The following TNFRSF6B variants were observed in gnomAD, a reference collection of about 807,000 sequenced individuals.
TNFRSF6B encodes the protein TNF receptor superfamily member 6b, also known as tumor necrosis factor receptor superfamily member 6B.
TNFRSF6B carries 23 observed loss-of-function variants against 17.9 expected under a neutral mutation model. That is an observed-to-expected ratio of 1.28 (90% CI 0.92 to 1.82). TNFRSF6B has a LOEUF of 1.82. Among genes scored for constraint, TNFRSF6B ranks in the 40% most tolerant of loss-of-function variants. The pLI is 0.00. For missense variants in TNFRSF6B, 555 were observed against 437.2 expected (o/e 1.27, Z -2.40); for synonymous variants, 291 against 195.8 (o/e 1.49, Z -4.06).
In TNFRSF6B at chr20:63,698,640, A is replaced by G. The variant is rs1168142923; in HGVS notation, c.*77A>G. The G allele has an allele frequency of 7.3e-7, 1 of 1,368,890 alleles. No individual in the cohort carries two copies. Among genetic ancestry groups the G allele is most frequent in the Admixed American group, 3.3e-5 (1 of 30,136 alleles). 84.8% of individuals were successfully genotyped at this position (1,368,890 alleles called of 1,614,324 possible). ...AAGAGGCTTTTTTTTAAATAGAAGA[A>G]ATGAGGTTTCTTAAAGCTTATTTTT... On this transcript the variant is annotated 3_prime_UTR_variant, in exon 3 of 3. Coordinates refer to ENST00000369996, the MANE Select transcript of TNFRSF6B (RefSeq NM_003823.4).
Position 63,696,849 on chromosome 20 carries a change from C to A in TNFRSF6B, c.82C>A (p.Arg28Ser), listed in dbSNP as rs571944193. 1 of 1,611,418 alleles carries A rather than the reference C, an allele frequency of 6.2e-7. No homozygotes were observed. The highest frequency in any genetic ancestry group is 1.3e-5 in the African/African-American group (1 of 75,034). ...LPALLPVPAV[R>S]GVAETPTYPW... is the part of the protein sequence containing the mutation. ...TGCCCTGCTGCCGGTGCCGGCTGTACGCGGAGTGGCAGAAACACCCACCTA... is the reference window on the plus strand; with the variant it reads ...TGCCCTGCTGCCGGTGCCGGCTGTAAGCGGAGTGGCAGAAACACCCACCTA... The change falls in exon 1 of 3, where the codon CGC becomes AGC. Residue 28 changes from arginine (R) to serine (S), a missense_variant. Transcript: ENST00000369996.
chr20:63,697,763 G>A (rs1259610581), intron 2 of TNFRSF6B, among the ~76,000 whole-genome samples: 13 of 152,130 alleles, frequency 8.5e-5, no homozygotes, highest in Admixed American at 7.9e-4. Context: ...TGGGAAAGTG[G>A]GCAGCAATCT....
Position 63,696,833 on chromosome 20 carries a change from G to A in TNFRSF6B, c.66G>A (p.Leu22=), listed in dbSNP as rs756482797. The change falls in exon 1 of 3, where the codon CTG becomes CTA. Residue 22 remains leucine, a synonymous_variant. Transcript: ENST00000369996. ...LCLVLALPAL[L]PVPAVRGVAE... ...TGGTGTTGGCGCTGCCTGCCCTGCTGCCGGTGCCGGCTGTACGCGGAGTGG... is the reference window on the plus strand; with the variant it reads ...TGGTGTTGGCGCTGCCTGCCCTGCTACCGGTGCCGGCTGTACGCGGAGTGG... The A allele has an allele frequency of 1.2e-6, 2 of 1,610,744 alleles. No individual in the cohort carries two copies. The highest frequency in any genetic ancestry group is 1.1e-5 in the South Asian group (1 of 90,726).
At position 63,697,422 on chromosome 20, in the gene TNFRSF6B, C is replaced by A. The variant is rs1298988086; in HGVS notation, c.519C>A (p.Asn173Lys). Reference protein sequence around the residue: ...SSSEQCQPHRNCTALGLALNV... With the variant: ...SSSEQCQPHRKCTALGLALNV... ...CAGAGCAGTGCCAGCCCCACCGCAA[C>A]TGCACGGCCCTGGGCCTGGCCCTCA... The change falls in exon 2 of 3, where the codon AAC (asparagine) becomes AAA (lysine). Residue 173 changes from asparagine (N) to lysine (K), a missense_variant. Coordinates refer to ENST00000369996, the MANE Select transcript of TNFRSF6B (RefSeq NM_003823.4). The A allele has an allele frequency of 3.7e-6, 6 of 1,608,698 alleles. No homozygotes were observed. In the African/African-American group the frequency reaches 8.0e-5, roughly 21 times the overall value.
chr20:63,696,805 G>T lies in TNFRSF6B; in HGVS notation c.38G>T (p.Cys13Phe). The change falls in exon 1 of 3, where the codon TGC (cysteine) becomes TTC (phenylalanine). Residue 13 changes from cysteine to phenylalanine, a missense_variant. Cys to Phe is a radical substitution (Grantham distance 205). Coordinates refer to ENST00000369996, the MANE Select transcript of TNFRSF6B (RefSeq NM_003823.4). ...ALEGPGLSLL[C>F]LVLALPALLP... ...GAGGGGCCAGGCCTGTCGCTGCTGTGCCTGGTGTTGGCGCTGCCTGCCCTG... is the reference window on the plus strand; with the variant it reads ...GAGGGGCCAGGCCTGTCGCTGCTGTTCCTGGTGTTGGCGCTGCCTGCCCTG... The T allele has an allele frequency of 6.2e-7, 1 of 1,607,794 alleles. No homozygotes were observed. Among genetic ancestry groups the T allele is most frequent in the South Asian group, 1.1e-5 (1 of 90,306 alleles).
chr20:63,696,805 G>A lies in TNFRSF6B; in HGVS notation c.38G>A (p.Cys13Tyr). Residue 13 changes from cysteine to tyrosine, a missense_variant, in exon 1 of 3, where the codon TGC (cysteine) becomes TAC (tyrosine). By Grantham distance (194) the Cys-to-Tyr change is radical. Coordinates refer to ENST00000369996, the MANE Select transcript of TNFRSF6B (RefSeq NM_003823.4). ...GAGGGGCCAGGCCTGTCGCTGCTGTGCCTGGTGTTGGCGCTGCCTGCCCTG... is the reference window on the plus strand; with the variant it reads ...GAGGGGCCAGGCCTGTCGCTGCTGTACCTGGTGTTGGCGCTGCCTGCCCTG... ...ALEGPGLSLL[C>Y]LVLALPALLP... 6.2e-7 allele frequency: 1 copy of A among 1,607,794 alleles called. No individual in the cohort carries two copies. Among genetic ancestry groups the A allele is most frequent in the Non-Finnish European group, 8.5e-7 (1 of 1,177,588 alleles).
chr20:63,696,721 G>T lies in TNFRSF6B; in HGVS notation c.-47G>T. 1 of 1,488,476 alleles carries T rather than the reference G, an allele frequency of 6.7e-7. No homozygotes were observed. The highest frequency in any genetic ancestry group is 8.9e-7 in the Non-Finnish European group (1 of 1,119,188). 92.2% of individuals were successfully genotyped at this position (1,488,476 alleles called of 1,614,324 possible). On this transcript the variant is annotated 5_prime_UTR_variant, in exon 1 of 3. Transcript: ENST00000369996. The stretch of plus-strand genomic sequence containing the variant: ...TGGCATGTCGGTCAGGCACAGCAGG[G>T]TCCTGTGTCCGCGCTGAGCCGCGCT...
Position 63,698,652 on chromosome 20 carries a change from T to C in TNFRSF6B, c.*89T>C. 7.5e-7 allele frequency: 1 copy of C among 1,330,928 alleles called. No homozygotes were observed. 82.4% of individuals were successfully genotyped at this position (1,330,928 alleles called of 1,614,324 possible). ...TTTAAATAGAAGAAATGAGGTTTCT[T>C]AAAGCTTATTTTTATAAAGCTTTTT... On this transcript the variant is annotated 3_prime_UTR_variant, in exon 3 of 3. Transcript: ENST00000369996.
rs755869527 is a variant in TNFRSF6B at position 63,698,402 on chromosome 20, G to A, written c.742G>A (p.Ala248Thr). The change falls in exon 3 of 3, where the codon GCG becomes ACG. Residue 248 changes from alanine to threonine, a missense_variant. Ala to Thr is a moderately conservative substitution (Grantham distance 58). Coordinates refer to ENST00000369996, the MANE Select transcript of TNFRSF6B (RefSeq NM_003823.4). The part of the protein sequence containing the change: ...APEGWGPTPR[A>T]GRAALQLKLR... The stretch of plus-strand genomic sequence containing the variant: ...GGAGGGCTGGGGTCCGACACCAAGG[G>A]CGGGCCGCGCGGCCTTGCAGCTGAA... 1.3e-6 allele frequency: 2 copies of A among 1,597,724 alleles called. No individual in the cohort carries two copies. The highest frequency in any genetic ancestry group is 2.2e-5 in the South Asian group (2 of 89,898).
chr20:63,697,034 C>G lies in TNFRSF6B; in HGVS notation c.267C>G (p.Arg89=), dbSNP rs757105777. The change falls in exon 1 of 3, where the codon CGC becomes CGG. Residue 89 remains arginine (R), a synonymous_variant. Coordinates refer to ENST00000369996, the MANE Select transcript of TNFRSF6B (RefSeq NM_003823.4). The stretch of plus-strand genomic sequence containing the variant: ...TCTGGAACTACCTAGAGCGCTGCCG[C>G]TACTGCAACGTCCTCTGCGGGGAGC... ...TQFWNYLERC[R]YCNVLCGERE... 1.9e-6 allele frequency: 3 copies of G among 1,607,614 alleles called. No homozygotes were observed. Among genetic ancestry groups the G allele is most frequent in the Admixed American group, 1.7e-5 (1 of 59,962 alleles).
Position 63,696,956 on chromosome 20 carries a change from C to T in TNFRSF6B, c.189C>T (p.Arg63=), listed in dbSNP as rs2145487016. The part of the protein sequence containing the change: ...PPGTFVQRPC[R]RDSPTTCGPC... ...GCACCTTTGTGCAGCGGCCGTGCCG[C>T]CGAGACAGCCCCACGACGTGTGGCC... is the stretch of plus-strand genomic sequence containing the variant. The change falls in exon 1 of 3, where the codon CGC becomes CGT. Residue 63 remains arginine (R), a synonymous_variant. Transcript: ENST00000369996. The T allele has an allele frequency of 1.2e-6, 2 of 1,609,704 alleles. No individual in the cohort carries two copies. The highest frequency in any genetic ancestry group is 3.3e-5 in the Admixed American group (2 of 59,898).
intron 2 of TNFRSF6B, 91 bp downstream of exon 2, chr20:63,697,613 A>AT: frequency 2.2e-6 from 3 of 1,350,144 alleles, no homozygotes; most frequent in Non-Finnish European, 2.9e-6. Context: ...AGCCTGAGGC[A>AT]TGCCAGCTGG....
rs763704806 is a variant in TNFRSF6B at position 63,697,124 on chromosome 20, C to T, written c.357C>T (p.Phe119=). Residue 119 remains phenylalanine (F), a synonymous_variant, in exon 1 of 3, where the codon TTC becomes TTT. Transcript: ENST00000369996. ...GTGCCTGCCGCTGCCGCACCGGCTTCTTCGCGCACGCTGGTTTCTGCTTGG... is the reference window on the plus strand; with the variant it reads ...GTGCCTGCCGCTGCCGCACCGGCTTTTTCGCGCACGCTGGTTTCTGCTTGG... ...HNRACRCRTG[F]FAHAGFCLEH... 1.9e-5 allele frequency: 30 copies of T among 1,594,716 alleles called. No individual in the cohort carries two copies. The highest frequency in any genetic ancestry group is 2.0e-5 in the Non-Finnish European group (23 of 1,173,284).
In TNFRSF6B at chr20:63,698,406, G is replaced by A. The variant is rs1275876768; in HGVS notation, c.746G>A (p.Gly249Asp). The A allele has an allele frequency of 1.9e-6, 3 of 1,595,824 alleles. No homozygotes were observed. Among genetic ancestry groups the A allele is most frequent in the Non-Finnish European group, 2.6e-6 (3 of 1,173,336 alleles). The change falls in exon 3 of 3, where the codon GGC (glycine) becomes GAC (aspartate). Residue 249 changes from glycine (G) to aspartate (D), a missense_variant. By Grantham distance (94) the Gly-to-Asp change is moderately conservative. Transcript: ENST00000369996. ...PEGWGPTPRAGRAALQLKLRR... is the reference protein window; with the variant it reads ...PEGWGPTPRADRAALQLKLRR... ...GGCTGGGGTCCGACACCAAGGGCGG[G>A]CCGCGCGGCCTTGCAGCTGAAGCTG... is the stretch of plus-strand genomic sequence containing the variant.
rs1391979880 is a variant in TNFRSF6B, at chr20:63,697,062, G to A, written c.295G>A (p.Glu99Lys). The change falls in exon 1 of 3, where the codon GAG becomes AAG. Residue 99 changes from glutamate to lysine, a missense_variant. By Grantham distance (56) the Glu-to-Lys change is moderately conservative. Transcript: ENST00000369996. ...CTGCAACGTCCTCTGCGGGGAGCGT[G>A]AGGAGGAGGCACGGGCTTGCCACGC... Reference protein sequence around the residue: ...RYCNVLCGEREEEARACHATH... With the variant: ...RYCNVLCGERKEEARACHATH... The A allele has an allele frequency of 1.9e-6, 3 of 1,606,858 alleles. No individual in the cohort carries two copies. The highest frequency in any genetic ancestry group is 3.3e-5 in the Admixed American group (2 of 59,898).
rs1048148018 is a variant in TNFRSF6B, at chr20:63,697,619, G to C, written c.619+97G>C. 29 of 1,322,200 alleles carry C rather than the reference G, an allele frequency of 2.2e-5. No individual in the cohort carries two copies. The Admixed American group carries it at 8.4e-4, about 38-fold the overall frequency. 81.9% of individuals were successfully genotyped at this position (1,322,200 alleles called of 1,614,324 possible). A position where few individuals can be genotyped will look rare whatever the true frequency, so the allele number is the denominator to read the frequency against. On this transcript the variant is annotated intron_variant, in intron 2 of 2. Coordinates refer to ENST00000369996, the MANE Select transcript of TNFRSF6B (RefSeq NM_003823.4). ...CGTGCATCTAGCCTGAGGCATGCCA[G>C]CTGGCTCTGGGAAGGGGCCACAGTG...
chr20:63,697,724 G>A (rs968977911), intron 2 of TNFRSF6B, among the ~76,000 whole-genome samples: 1 of 152,168 alleles, frequency 6.6e-6, no homozygotes, highest in Non-Finnish European at 1.5e-5. Context: ...TTGGATCTGA[G>A]CCAGGGCACA....
intron 2 of TNFRSF6B, 145 bp downstream of exon 2, chr20:63,697,667 T>A: frequency 1.1e-6 from 1 of 880,594 alleles, no homozygotes; most frequent in Non-Finnish European, 1.6e-6. Flanking sequence ...CAGGGGTCCC[T>A]CCACTAGATC....
At chr20:63,697,236 AGGTGTGGCAGGG>A (rs1243027506) in intron 1 of TNFRSF6B, 45 bp downstream of exon 1, 2 of 1,551,718 alleles carry the variant, frequency 1.3e-6, no homozygotes, top group Admixed American at 3.9e-5. Flanking sequence ...TGGTGGCCGG[AGGTGTGGCAGGG>A]GTCAGGTTGC....
Sources: allele counts gnomAD v4.1 joint callset (sites outside exome capture counted in the v4.1 genomes callset), GRCh38; gene constraint gnomAD v4.1.1; transcripts MANE v1.5; gene names NCBI Gene and HGNC (gene_info 2026-07-23, HGNC 2026-07-21).